KCNJ6: variants seen among roughly 807,000 people sequenced by gnomAD.
The protein encoded by KCNJ6 is potassium inwardly rectifying channel subfamily J member 6, also known as G protein-activated inward rectifier potassium channel 2.
In KCNJ6, 9 loss-of-function variants were observed where a neutral mutation model predicts 34.2. The ratio of observed to expected loss-of-function variants is 0.26; its 90% CI spans 0.16 to 0.46. The LOEUF is 0.46. Among genes scored for constraint, KCNJ6 ranks in the 20% least tolerant of loss-of-function variants. The pLI, the probability that KCNJ6 is intolerant of heterozygous loss-of-function variation, is 1.00. For synonymous variants in KCNJ6, 196 were observed against 207.1 expected (o/e 0.95, Z 0.46); for missense variants, 236 against 531.3 (o/e 0.44, Z 5.46).
At chr21:37,792,207 C>T (rs1006146854) in intron 2 of KCNJ6, among the ~76,000 whole-genome samples, 1 of 152,210 alleles carries the variant, frequency 6.6e-6, no homozygotes, top group Non-Finnish European at 1.5e-5. Context: ...TCAGCTGCAA[C>T]CCTCCTATCT....
intron 1 of KCNJ6, among the ~76,000 whole-genome samples, chr21:37,875,693 A>G (rs866274434): frequency 6.6e-6 from 1 of 152,206 alleles, no homozygotes. Context: ...CTCAGAAGGT[A>G]GAAGGAAAAC....
At chr21:37,662,430 A>G (rs1025593937) in intron 3 of KCNJ6, among the ~76,000 whole-genome samples, 1 of 152,190 alleles carries the variant, frequency 6.6e-6, no homozygotes, top group Non-Finnish European at 1.5e-5. Context: ...GTCCCTGCAA[A>G]GGACATGATC....
chr21:37,747,017 T>G (rs1483034782), intron 2 of KCNJ6, among the ~76,000 whole-genome samples: 1 of 152,210 alleles, frequency 6.6e-6, no homozygotes, highest in Admixed American at 6.5e-5. Context: ...GTGGAACACT[T>G]GAATGTGTGT....
chr21:37,890,529 C>T (rs1275082475), intron 1 of KCNJ6, among the ~76,000 whole-genome samples: 1 of 152,198 alleles, frequency 6.6e-6, no homozygotes, highest in Admixed American at 6.5e-5. Flanking sequence ...TTCGTGGCCT[C>T]CTGTTGCCCT....
In KCNJ6 at chr21:37,678,597, A is replaced by G. The variant is rs2054577468; in HGVS notation, c.946+35614T>C. Among the ~76,000 whole-genome samples the G allele has an allele frequency of 2.6e-5, 4 of 152,222 alleles. No individual in the cohort carries two copies. The South Asian group carries it at 8.3e-4, about 32-fold the overall frequency. On this transcript the variant is annotated intron_variant, in intron 3 of 3. Coordinates refer to ENST00000609713, the MANE Select transcript of KCNJ6 (RefSeq NM_002240.5). Reference sequence around the variant, plus strand: ...AGGAGAGGACTACCTGCACTGAGCAATAACCCATTGATGAATGGATTGATG... The same window carrying G: ...AGGAGAGGACTACCTGCACTGAGCAGTAACCCATTGATGAATGGATTGATG...
At chr21:37,803,911 C>G (rs541005294) in intron 2 of KCNJ6, among the ~76,000 whole-genome samples, 1 of 152,140 alleles carries the variant, frequency 6.6e-6, no homozygotes, top group Non-Finnish European at 1.5e-5. Flanking sequence ...AAGGGGCGTC[C>G]TTTTGGGGAA....
Position 37,759,527 on chromosome 21 carries a change from C to T in KCNJ6, c.26-44396G>A, listed in dbSNP as rs142906307. 7.9e-4 allele frequency among the ~76,000 whole-genome samples: 121 copies of T among 152,300 alleles called. 2 individuals are homozygous for T. The East Asian group carries it at 0.022, about 28-fold the overall frequency. On this transcript the variant is annotated intron_variant, in intron 2 of 3. Transcript: ENST00000609713. ...GCTCCTCCCTGTGCCGCCAAGCTTGCCACTCCATCTGCCTGGCACGCTCAT... is the reference window on the plus strand; with the variant it reads ...GCTCCTCCCTGTGCCGCCAAGCTTGTCACTCCATCTGCCTGGCACGCTCAT...
rs533061903 is a variant in KCNJ6 at position 37,872,482 on chromosome 21, C to G, written c.-27-31773G>C. Among the ~76,000 whole-genome samples, 2 of 152,284 alleles carry G rather than the reference C, an allele frequency of 1.3e-5. 1 individual carries two copies. Among genetic ancestry groups the G allele is most frequent in the South Asian group, 4.1e-4 (2 of 4,824 alleles). On this transcript the variant is annotated intron_variant, in intron 1 of 3. Transcript: ENST00000609713. ...AAGTTTTCAGTGCACCCAGGAGGTG[C>G]AGCCTACAGGAGGAATAGGTGACTG...
At chr21:37,696,283 G>A (rs2054663130) in intron 3 of KCNJ6, among the ~76,000 whole-genome samples, 1 of 152,168 alleles carries the variant, frequency 6.6e-6, no homozygotes, top group South Asian at 2.1e-4. Context: ...TAATTTTAAA[G>A]TTAAGAAACC....
intron 1 of KCNJ6, among the ~76,000 whole-genome samples, chr21:37,900,454 C>T (rs2055811353): frequency 6.6e-6 from 1 of 152,224 alleles, no homozygotes; most frequent in Non-Finnish European, 1.5e-5. Flanking sequence ...AACAAAAGAA[C>T]TCTACCCCTA....
At chr21:37,658,500 T>C (rs914271263) in intron 3 of KCNJ6, among the ~76,000 whole-genome samples, 2 of 152,242 alleles carry the variant, frequency 1.3e-5, no homozygotes, top group Non-Finnish European at 1.5e-5. Flanking sequence ...AACTTTGTGA[T>C]AGATTTAGAA....
intron 3 of KCNJ6, among the ~76,000 whole-genome samples, chr21:37,663,815 A>T (rs1352093447): frequency 6.6e-6 from 1 of 152,234 alleles, no homozygotes; most frequent in East Asian, 1.9e-4. Flanking sequence ...TTAAATTAAT[A>T]GACAAAAATC....
chr21:37,711,208 G>A (rs922393775), intron 3 of KCNJ6, among the ~76,000 whole-genome samples: 1 of 152,224 alleles, frequency 6.6e-6, no homozygotes, highest in East Asian at 1.9e-4. Flanking sequence ...AGCACCACTC[G>A]CCTGCACCGG....
At chr21:37,814,581 A>G (rs1036300305) in intron 2 of KCNJ6, among the ~76,000 whole-genome samples, 1 of 152,198 alleles carries the variant, frequency 6.6e-6, no homozygotes, top group Non-Finnish European at 1.5e-5. Flanking sequence ...ATACGTACAC[A>G]ATGGAATACT....
At chr21:37,908,689 C>A (rs1415846543) in intron 1 of KCNJ6, among the ~76,000 whole-genome samples, 2 of 152,166 alleles carry the variant, frequency 1.3e-5, no homozygotes, top group Non-Finnish European at 1.5e-5. Flanking sequence ...GAATCATCTA[C>A]ACCTACTCCA....
intron 1 of KCNJ6, among the ~76,000 whole-genome samples, chr21:37,849,194 C>T (rs1399248710): frequency 2.6e-5 from 4 of 152,176 alleles, no homozygotes; most frequent in Non-Finnish European, 5.9e-5. Flanking sequence ...CCAAGATGCA[C>T]CTATTCTAGG....
chr21:37,809,432 G>A (rs1290370438), intron 2 of KCNJ6, among the ~76,000 whole-genome samples: 1 of 151,874 alleles, frequency 6.6e-6, no homozygotes, highest in East Asian at 1.9e-4. Flanking sequence ...GCTAAATGAC[G>A]AGTTAATGGG....
At chr21:37,716,007 T>A (rs1033805161) in intron 2 of KCNJ6, among the ~76,000 whole-genome samples, 1 of 152,238 alleles carries the variant, frequency 6.6e-6, no homozygotes, top group African/African-American at 2.4e-5. Flanking sequence ...GATACCCAAC[T>A]CACAGTGTTG....
At chr21:37,802,379 C>T (rs370431321) in intron 2 of KCNJ6, among the ~76,000 whole-genome samples, 2 of 151,908 alleles carry the variant, frequency 1.3e-5, no homozygotes, top group African/African-American at 4.8e-5. Flanking sequence ...TAAAGGAAGG[C>T]TCTTGTGAAG....
Sources: gnomAD v4.1 joint callset for allele counts (sites outside exome capture counted in the v4.1 genomes callset) on GRCh38, gnomAD v4.1.1 for gene constraint, MANE v1.5 for transcripts, NCBI Gene and HGNC (gene_info 2026-07-23, HGNC 2026-07-21) for gene names.